DOCK9: variants seen among roughly 807,000 people sequenced by gnomAD.
The protein encoded by DOCK9 is dedicator of cytokinesis protein 9.
DOCK9 carries 89 observed loss-of-function variants against 263.3 expected under a neutral mutation model. The ratio of observed to expected loss-of-function variants is 0.34; its 90% CI spans 0.28 to 0.40. DOCK9 has a LOEUF of 0.40. Among genes scored for constraint, DOCK9 ranks in the 10% least tolerant of loss-of-function variants. DOCK9 has a pLI of 1.00. For missense variants in DOCK9, 2,140 were observed against 2,603.4 expected, an observed-to-expected ratio of 0.82 and a Z score of 3.87; for synonymous variants, 976 against 973.1, an observed-to-expected ratio of 1.00 and a Z score of -0.06.
intron 1 of DOCK9, among the ~76,000 whole-genome samples, chr13:98,957,743 C>G (rs953395085): frequency 5.3e-5 from 8 of 152,188 alleles, no homozygotes; most frequent in Non-Finnish European, 1.0e-4. Flanking sequence ...AACATTTTCC[C>G]TAGGAACCGT....
intron 2 of DOCK9, among the ~76,000 whole-genome samples, chr13:98,937,222 T>C (rs866414369): frequency 2.6e-5 from 4 of 152,284 alleles, no homozygotes; most frequent in South Asian, 2.1e-4. Flanking sequence ...GGAAAAAACA[T>C]TTCACACCAT....
At chr13:98,885,441 A>C (rs548319234) in intron 20 of DOCK9, 3 of 528,660 alleles carry the variant, frequency 5.7e-6, no homozygotes, top group Non-Finnish European at 6.9e-6. Context: ...CCGTCTCTAC[A>C]AAAAAATACA....
intron 1 of DOCK9, among the ~76,000 whole-genome samples, chr13:98,971,623 G>A (rs1238765768): frequency 1.3e-5 from 2 of 151,972 alleles, no homozygotes; most frequent in Non-Finnish European, 2.9e-5. Context: ...CAGGAGAATG[G>A]CATGAACCCG....
At chr13:98,932,072 T>G (rs1431195964) in intron 2 of DOCK9, among the ~76,000 whole-genome samples, 5 of 152,194 alleles carry the variant, frequency 3.3e-5, no homozygotes, top group South Asian at 4.1e-4. Context: ...TTTTCTCCTA[T>G]GGACTGTAAC....
chr13:98,798,233 A>C (rs915665634), intron 50 of DOCK9, among the ~76,000 whole-genome samples: 1 of 152,216 alleles, frequency 6.6e-6, no homozygotes. Context: ...GAACGTGACT[A>C]TGTGGTCACT....
At chr13:98,973,517 T>C (rs1037574150) in intron 1 of DOCK9, among the ~76,000 whole-genome samples, 2 of 152,190 alleles carry the variant, frequency 1.3e-5, no homozygotes, top group Non-Finnish European at 2.9e-5. Context: ...ATTCAAACAT[T>C]AAAATAAGAA....
chr13:99,071,758 T>C (rs951402439), intron 1 of DOCK9, among the ~76,000 whole-genome samples: 5 of 152,214 alleles, frequency 3.3e-5, no homozygotes, highest in African/African-American at 1.2e-4. Context: ...GTACCAATCC[T>C]TCCACCATTC....
upstream of DOCK9, among the ~76,000 whole-genome samples, chr13:98,978,688 A>G (rs149691130): frequency 2.3e-3 from 357 of 152,318 alleles, no homozygotes; most frequent in African/African-American, 7.9e-3. Context: ...CCCCAGTACT[A>G]GGTGCTGAGA....
In DOCK9 at chr13:98,930,261, GAAACAA is replaced by G. The variant is rs1566998491; in HGVS notation, c.244-10_244-5del. 6.2e-7 allele frequency: 1 copy of G among 1,606,736 alleles called. No homozygotes were observed. The highest frequency in any genetic ancestry group is 1.7e-5 in the Admixed American group (1 of 59,002). ...CCTGTCGTCTCAGGATGGCCGTCTG[GAAACAA>G]AAACAGGAGGAAAAGCCTTGGGTAA... On this transcript the variant is annotated splice_polypyrimidine_tract_variant and splice_region_variant and intron_variant, in intron 2 of 52. Coordinates refer to ENST00000682017, the MANE Select transcript of DOCK9 (RefSeq NM_001366683.2).
intron 9 of DOCK9, among the ~76,000 whole-genome samples, chr13:98,906,674 A>G (rs1173228210): frequency 6.6e-6 from 1 of 152,200 alleles, no homozygotes; most frequent in Non-Finnish European, 1.5e-5. Flanking sequence ...TACATTTCTA[A>G]TCATGGATAA....
intron 1 of DOCK9, among the ~76,000 whole-genome samples, chr13:99,038,287 CCTTTTTTTTT>C (rs1888107622): frequency 6.1e-5 from 3 of 48,834 alleles, no homozygotes; most frequent in South Asian, 1.1e-3. Flanking sequence ...TTTATGCCCC[CCTTTTTTTTT>C]TTTTTTTTTT....
chr13:98,856,141 GA>G (rs1442221045), intron 33 of DOCK9, 110 bp from the exon 34 acceptor site: 2 of 1,206,294 alleles, frequency 1.7e-6, no homozygotes, highest in Non-Finnish European at 2.3e-6. Flanking sequence ...TTTCTGTTAG[GA>G]AGTTGGCTCA....
At chr13:99,079,215 A>G (rs1454020079) in intron 1 of DOCK9, among the ~76,000 whole-genome samples, 1 of 152,254 alleles carries the variant, frequency 6.6e-6, no homozygotes, top group African/African-American at 2.4e-5. Flanking sequence ...ACAAATAGCT[A>G]CAGGGCAAAT....
chr13:98,884,604 C>T (rs1156275183), intron 21 of DOCK9, among the ~76,000 whole-genome samples: 1 of 152,200 alleles, frequency 6.6e-6, no homozygotes, highest in Non-Finnish European at 1.5e-5. Context: ...AGAGATTTGG[C>T]GTACTTGACT....
At chr13:98,933,406 A>T (rs2054272345) in intron 2 of DOCK9, among the ~76,000 whole-genome samples, 1 of 152,206 alleles carries the variant, frequency 6.6e-6, no homozygotes, top group South Asian at 2.1e-4. Flanking sequence ...ATTATTAAAC[A>T]GAATCCTGAA....
In DOCK9 at chr13:98,837,523, T is replaced by C. The variant is rs374628319; in HGVS notation, c.4285A>G (p.Thr1429Ala). 1.2e-6 allele frequency: 2 copies of C among 1,612,882 alleles called. No homozygotes were observed. Among genetic ancestry groups the C allele is most frequent in the African/African-American group, 2.7e-5 (2 of 74,842 alleles). The change falls in exon 39 of 53, where the codon ACG becomes GCG. Residue 1429 changes from threonine (T) to alanine (A), a missense_variant. By Grantham distance (58) the Thr-to-Ala change is moderately conservative. Transcript: ENST00000682017. ...AACGCCAATGTAAATAGAGAAAGCG[T>C]GTCCAGAGCTGTCAGGCAAACCTCA... ...ATEVCLTALDTLSLFTLAFKN... is the reference protein window; with the variant it reads ...ATEVCLTALDALSLFTLAFKN...
In DOCK9 at chr13:98,930,154, G is replaced by A. The variant is rs770915427; in HGVS notation, c.333+14C>T. ...TGACTTCAAAATGTAAATTAATGCA[G>A]GAAAGAGCCTTACCTCTGTAACAAA... is the stretch of plus-strand genomic sequence containing the variant. On this transcript the variant is annotated intron_variant, in intron 3 of 52. Coordinates refer to ENST00000682017, the MANE Select transcript of DOCK9 (RefSeq NM_001366683.2). 5 of 1,601,112 alleles carry A rather than the reference G, an allele frequency of 3.1e-6. No homozygotes were observed. Among genetic ancestry groups the A allele is most frequent in the African/African-American group, 2.7e-5 (2 of 74,890 alleles).
chr13:98,898,354 C>T (rs998250802), intron 13 of DOCK9, 93 bp from the exon 14 acceptor site: 2 of 903,004 alleles, frequency 2.2e-6, no homozygotes, highest in African/African-American at 3.3e-5. Flanking sequence ...CTAAATAAGT[C>T]CTTACCATAG....
At chr13:99,085,529 C>A (rs1266779821) in intron 1 of DOCK9, among the ~76,000 whole-genome samples, 1 of 152,184 alleles carries the variant, frequency 6.6e-6, no homozygotes, top group Non-Finnish European at 1.5e-5. Flanking sequence ...GACGTTCTGC[C>A]ACGGGAAGAT....
Sources: allele counts gnomAD v4.1 joint callset (sites outside exome capture counted in the v4.1 genomes callset), GRCh38; gene constraint gnomAD v4.1.1; transcripts MANE v1.5; gene names NCBI Gene and HGNC (gene_info 2026-07-23, HGNC 2026-07-21).